Variants in AKR1C4 observed in about 807,000 individuals in gnomAD.
The protein encoded by AKR1C4 is aldo-keto reductase family 1 member C4, also known as 3-alpha-HSD1.
In AKR1C4, 44 loss-of-function variants were observed where a neutral mutation model predicts 41.0. The ratio of observed to expected loss-of-function variants is 1.07; its 90% CI spans 0.84 to 1.38. AKR1C4 has a LOEUF of 1.38. AKR1C4 is among the 40% of genes most tolerant of loss of function. AKR1C4 has a pLI of 0.00. For synonymous variants in AKR1C4, 165 were observed against 137.7 expected, an observed-to-expected ratio of 1.20 and a Z score of -1.39; for missense variants, 438 against 387.9, an observed-to-expected ratio of 1.13 and a Z score of -1.09.
intron 7 of AKR1C4, 47 bp downstream of exon 7, chr10:5,213,206 A>G (rs1456356464): frequency 1.2e-6 from 2 of 1,601,974 alleles, no homozygotes; most frequent in African/African-American, 1.3e-5. Flanking sequence ...TGTCCTTCAC[A>G]CGTGTGCTTC....
chr10:5,215,195 A>T (rs1554798376), intron 7 of AKR1C4, among the ~76,000 whole-genome samples: 2 of 152,186 alleles, frequency 1.3e-5, no homozygotes, highest in Admixed American at 1.3e-4. Flanking sequence ...AAAAATTTTG[A>T]AACTTATAAT....
chr10:5,213,157 C>A lies in AKR1C4; in HGVS notation c.844C>A (p.Gln282Lys). 1 of 1,613,276 alleles carries A rather than the reference C, an allele frequency of 6.2e-7. No homozygotes were observed. The change falls in exon 7 of 9, where the codon CAG becomes AAG. Residue 282 changes from glutamine to lysine, a missense_variant and splice_region_variant. By Grantham distance (53) the Gln-to-Lys change is moderately conservative. Coordinates refer to ENST00000263126, the MANE Select transcript of AKR1C4 (RefSeq NM_001818.5). ...YNEQRIRENI[Q>K]VFEFQLTSED... ...TGAGCAGCGGATCAGAGAGAACATC[C>A]AGGTGAGGAGTTGGGTGGGCATCAG... is the stretch of plus-strand genomic sequence containing the variant.
intron 2 of AKR1C4, 125 bp downstream of exon 2, chr10:5,200,473 T>TA (rs1425024473): frequency 9.1e-6 from 13 of 1,430,160 alleles, no homozygotes; most frequent in Non-Finnish European, 1.2e-5. Flanking sequence ...TATTCACACA[T>TA]ATTCAGGTAT....
At chr10:5,218,592 C>A in intron 8 of AKR1C4, 126 bp from the exon 9 acceptor site, 1 of 632,230 alleles carries the variant, frequency 1.6e-6, no homozygotes, top group Non-Finnish European at 2.7e-6. Context: ...AGACATTCTA[C>A]AAATAGTCCG....
Position 5,213,069 on chromosome 10 carries a change from A to C in AKR1C4, c.756A>C (p.Pro252=). 7 of 1,614,172 alleles carry C rather than the reference A, an allele frequency of 4.3e-6. No homozygotes were observed. Among genetic ancestry groups the C allele is most frequent in the Non-Finnish European group, 5.9e-6 (7 of 1,180,022 alleles). ...TAGCAAAGAAACACAAACAAACCCC[A>C]GCCCTGATTGCCCTGCGCTACCAGC... ...CALAKKHKQT[P]ALIALRYQLQ... is the part of the protein sequence containing the mutation. The change falls in exon 7 of 9, where the codon CCA becomes CCC. Residue 252 remains proline (P), a synonymous_variant. Transcript: ENST00000263126.
chr10:5,215,479 T>C (rs1282635530), intron 7 of AKR1C4, among the ~76,000 whole-genome samples: 1 of 152,192 alleles, frequency 6.6e-6, no homozygotes, highest in Non-Finnish European at 1.5e-5. Context: ...CAGCATCTCA[T>C]TCTGGAGAGG....
chr10:5,196,906 T>C lies in AKR1C4; in HGVS notation c.39T>C (p.Gly13=), dbSNP rs782000636. The C allele has an allele frequency of 1.2e-6, 2 of 1,613,944 alleles. No homozygotes were observed. The highest frequency in any genetic ancestry group is 1.7e-6 in the Non-Finnish European group (2 of 1,179,920). ...ATCAGCGTGTAGAGCTAAATGATGG[T>C]CACTTCATGCCCGTATTGGGATTTG... ...PKYQRVELND[G]HFMPVLGFGT... The change falls in exon 1 of 9, where the codon GGT becomes GGC. Residue 13 remains glycine, a synonymous_variant. Transcript: ENST00000263126.
chr10:5,199,684 C>T (rs1564399807), intron 1 of AKR1C4, among the ~76,000 whole-genome samples: 3 of 152,124 alleles, frequency 2.0e-5, no homozygotes, highest in Non-Finnish European at 4.4e-5. Flanking sequence ...ACAGTCCAGG[C>T]TGCTGAGCAG....
chr10:5,212,985 T>C lies in AKR1C4; in HGVS notation c.681-9T>C, dbSNP rs781899386. ...CTCAAGACTTCAGCATTTCTGGCTT[T>C]CCTTCCAGGGTGGACCCAAACTCCC... On this transcript the variant is annotated splice_polypyrimidine_tract_variant and intron_variant, in intron 6 of 8. Coordinates refer to ENST00000263126, the MANE Select transcript of AKR1C4 (RefSeq NM_001818.5). 6.2e-7 allele frequency: 1 copy of C among 1,613,400 alleles called. No individual in the cohort carries two copies. Among genetic ancestry groups the C allele is most frequent in the Non-Finnish European group, 8.5e-7 (1 of 1,179,492 alleles).
intron 2 of AKR1C4, among the ~76,000 whole-genome samples, chr10:5,203,578 C>T (rs1379804007): frequency 5.3e-5 from 8 of 152,206 alleles, no homozygotes; most frequent in African/African-American, 1.9e-4. Context: ...TGGGCACTTA[C>T]AGTTTTTCAT....
Position 5,204,414 on chromosome 10 carries a change from C to G in AKR1C4, c.290C>G (p.Pro97Arg). The change falls in exon 3 of 9, where the codon CCA becomes CGA. Residue 97 changes from proline to arginine, a missense_variant. Transcript: ENST00000263126. ...CTFFQPQMVQ[P>R]ALESSLKKLQ... ...TTCTTTCAACCACAGATGGTCCAACCAGCCTTGGAAAGCTCACTGAAAAAA... is the reference window on the plus strand; with the variant it reads ...TTCTTTCAACCACAGATGGTCCAACGAGCCTTGGAAAGCTCACTGAAAAAA... 6.2e-7 allele frequency: 1 copy of G among 1,613,914 alleles called. No individual in the cohort carries two copies. Among genetic ancestry groups the G allele is most frequent in the Non-Finnish European group, 8.5e-7 (1 of 1,179,880 alleles).
At chr10:5,199,176 G>C (rs1309657301) in intron 1 of AKR1C4, among the ~76,000 whole-genome samples, 2 of 152,104 alleles carry the variant, frequency 1.3e-5, no homozygotes, top group Non-Finnish European at 2.9e-5. Context: ...TACTAACCAG[G>C]AAAGACTTCA....
At chr10:5,198,950 G>A (rs1554796612) in intron 1 of AKR1C4, among the ~76,000 whole-genome samples, 1 of 151,672 alleles carries the variant, frequency 6.6e-6, no homozygotes, top group Non-Finnish European at 1.5e-5. Flanking sequence ...TGGGGGTGGG[G>A]GCAGATTTTG....
chr10:5,212,623 G>C lies in AKR1C4; in HGVS notation c.578G>C (p.Cys193Ser). 6.2e-7 allele frequency: 1 copy of C among 1,612,304 alleles called. No homozygotes were observed. The highest frequency in any genetic ancestry group is 8.5e-7 in the Non-Finnish European group (1 of 1,179,510). Residue 193 changes from cysteine to serine, a missense_variant, in exon 6 of 9, where the codon TGT (cysteine) becomes TCT (serine). Cys to Ser is a moderately radical substitution (Grantham distance 112, BLOSUM62 -1). Coordinates refer to ENST00000263126, the MANE Select transcript of AKR1C4 (RefSeq NM_001818.5). Reference protein sequence around the residue: ...KYKPVCNQVECHPYLNQSKLL... With the variant: ...KYKPVCNQVESHPYLNQSKLL... ...TCTCTTGATCATCTAAAGGTAGAAT[G>C]TCATCCTTACCTCAACCAGAGCAAA...
At chr10:5,213,303 T>C (rs538143584) in intron 7 of AKR1C4, 144 bp downstream of exon 7, 3 of 1,358,714 alleles carry the variant, frequency 2.2e-6, no homozygotes, top group South Asian at 3.2e-5. Flanking sequence ...AAGTGTTTTC[T>C]ACTCTACCAC....
chr10:5,214,256 A>G (rs1163500144), intron 7 of AKR1C4, among the ~76,000 whole-genome samples: 6 of 152,176 alleles, frequency 3.9e-5, no homozygotes, highest in African/African-American at 1.4e-4. Context: ...CTAAGTGTCC[A>G]TAAGTACTTC....
chr10:5,206,286 G>T lies in AKR1C4; in HGVS notation c.459G>T (p.Lys153Asn). The change falls in exon 5 of 9, where the codon AAG (lysine) becomes AAT (asparagine). Residue 153 changes from lysine (K) to asparagine (N), a missense_variant. By Grantham distance (94) the Lys-to-Asn change is moderately conservative (BLOSUM62 0). Transcript: ENST00000263126. ...CCCTTTCTCCCCAGGTCATGGAGAA[G>T]TGTAAGGATGCAGGATTGGCCAAGT... ...DLSATWEVME[K>N]CKDAGLAKSI... 1 of 1,614,092 alleles carries T rather than the reference G, an allele frequency of 6.2e-7. No homozygotes were observed. Among genetic ancestry groups the T allele is most frequent in the Non-Finnish European group, 8.5e-7 (1 of 1,179,978 alleles).
intron 1 of AKR1C4, 88 bp from the exon 2 acceptor site, chr10:5,200,093 A>G: frequency 6.6e-7 from 1 of 1,522,404 alleles, no homozygotes; most frequent in Non-Finnish European, 8.9e-7. Context: ...CCCCCACTGC[A>G]CACCCTGTGA....
At chr10:5,199,478 C>T (rs146075855) in intron 1 of AKR1C4, among the ~76,000 whole-genome samples, 210 of 152,284 alleles carry the variant, frequency 1.4e-3, no homozygotes, top group African/African-American at 4.5e-3. Context: ...GCCATGCCCC[C>T]ATCCTGTGCC....
Sources: allele counts gnomAD v4.1 joint callset (sites outside exome capture counted in the v4.1 genomes callset), GRCh38; gene constraint gnomAD v4.1.1; transcripts MANE v1.5; gene names NCBI Gene and HGNC (gene_info 2026-07-23, HGNC 2026-07-21).